Variants in ABCA13 observed in about 807,000 individuals in gnomAD.
The protein encoded by ABCA13 is ATP binding cassette subfamily A member 13.
Under a neutral mutation model 478.7 loss-of-function variants are expected in ABCA13, and 476 were observed. The ratio of observed to expected loss-of-function variants is 0.99; its 90% CI spans 0.92 to 1.07. ABCA13 has a LOEUF of 1.07. ABCA13 is among the 50% of genes least tolerant of loss of function. ABCA13 has a pLI of 0.00. For missense variants in ABCA13, 6,060 were observed against 5,910.6 expected (o/e 1.03, Z -0.83); for synonymous variants, 2,252 against 2,158.9 (o/e 1.04, Z -1.20).
chr7:48,201,677 A>G (rs923165647), intron 3 of ABCA13, among the ~76,000 whole-genome samples: 2 of 152,204 alleles, frequency 1.3e-5, no homozygotes, highest in African/African-American at 2.4e-5. Flanking sequence ...CAGAGATCGC[A>G]CCACTAAACT....
intron 1 of ABCA13, among the ~76,000 whole-genome samples, chr7:48,186,041 A>G (rs1405197892): frequency 6.6e-6 from 1 of 151,960 alleles, no homozygotes; most frequent in Non-Finnish European, 1.5e-5. Flanking sequence ...TTTGTTTAAT[A>G]TTTACCTACC....
At chr7:48,294,220 G>A (rs927974517) in intron 20 of ABCA13, among the ~76,000 whole-genome samples, 1 of 151,938 alleles carries the variant, frequency 6.6e-6, no homozygotes, top group Non-Finnish European at 1.5e-5. Flanking sequence ...TGTGTCGTGC[G>A]TGTGTGTTAA....
intron 16 of ABCA13, among the ~76,000 whole-genome samples, chr7:48,270,254 A>G (rs944377860): frequency 6.6e-6 from 1 of 152,210 alleles, no homozygotes; most frequent in Non-Finnish European, 1.5e-5. Flanking sequence ...AATTAAAAAA[A>G]TAAAAAGTTT....
chr7:48,357,340 C>T (rs1027895311), intron 31 of ABCA13, among the ~76,000 whole-genome samples: 1 of 151,892 alleles, frequency 6.6e-6, no homozygotes, highest in Non-Finnish European at 1.5e-5. Flanking sequence ...TCTTGATGAC[C>T]CTCAGCGCTC....
At chr7:48,177,138 A>G (rs1358984030) in intron 1 of ABCA13, among the ~76,000 whole-genome samples, 1 of 152,236 alleles carries the variant, frequency 6.6e-6, no homozygotes, top group Non-Finnish European at 1.5e-5. Context: ...CCTCAGAAGT[A>G]AAGTATGTCT....
At chr7:48,314,540 C>T in intron 26 of ABCA13, 131 bp downstream of exon 26, 1 of 841,584 alleles carries the variant, frequency 1.2e-6, no homozygotes, top group Non-Finnish European at 1.7e-6. Flanking sequence ...CTGCTTCCAC[C>T]TCCCCAAATG....
intron 42 of ABCA13, among the ~76,000 whole-genome samples, chr7:48,428,685 A>G (rs1450904571): frequency 6.6e-6 from 1 of 152,222 alleles, no homozygotes; most frequent in Non-Finnish European, 1.5e-5. Context: ...TGAAAAACAT[A>G]TAATTTAGCT....
intron 53 of ABCA13, among the ~76,000 whole-genome samples, 154 bp from the exon 54 acceptor site, chr7:48,524,094 A>G (rs1363910087): frequency 6.6e-6 from 1 of 152,168 alleles, no homozygotes; most frequent in Non-Finnish European, 1.5e-5. Context: ...GATAATCAGG[A>G]TGGCAGAACT....
At chr7:48,304,493 T>C (rs1180756878) in intron 23 of ABCA13, among the ~76,000 whole-genome samples, 1 of 152,240 alleles carries the variant, frequency 6.6e-6, no homozygotes, top group Non-Finnish European at 1.5e-5. Flanking sequence ...TTTTATTTTT[T>C]GACTTTTTAA....
Position 48,279,097 on chromosome 7 carries a change from T to A in ABCA13, c.7903T>A (p.Leu2635Met). The change falls in exon 18 of 62, where the codon TTG becomes ATG. Residue 2635 changes from leucine (L) to methionine (M), a missense_variant. By Grantham distance (15) the Leu-to-Met change is conservative. Transcript: ENST00000435803. ...MNQSKDFSDI[L>M]EEIAEFLTSV... ...CCAATCTAAGGACTTTTCTGATATT[T>A]TGGAAGAAATTGCTGAATTTTTAAC... is the stretch of plus-strand genomic sequence containing the variant. The A allele has an allele frequency of 1.2e-6, 2 of 1,611,908 alleles. No homozygotes were observed. Among genetic ancestry groups the A allele is most frequent in the South Asian group, 2.2e-5 (2 of 90,998 alleles).
intron 43 of ABCA13, among the ~76,000 whole-genome samples, chr7:48,463,682 A>G (rs548398743): frequency 1.3e-5 from 2 of 152,230 alleles, no homozygotes; most frequent in African/African-American, 4.8e-5. Flanking sequence ...TATCAACACC[A>G]AAAGCTGGTT....
intron 55 of ABCA13, among the ~76,000 whole-genome samples, chr7:48,535,416 G>A (rs111893679): frequency 6.6e-6 from 1 of 152,174 alleles, no homozygotes; most frequent in Non-Finnish European, 1.5e-5. Context: ...GAGGTAGCAG[G>A]GGAATGAAGT....
chr7:48,275,712 GA>G lies in ABCA13; in HGVS notation c.6052del (p.Ser2018ValfsTer10), dbSNP rs2128760850. The G allele has an allele frequency of 1.2e-6, 2 of 1,601,340 alleles. No individual in the cohort carries two copies. The highest frequency in any genetic ancestry group is 1.3e-5 in the African/African-American group (1 of 74,844). ...ATTGATTTCTGAAGACTGGAGCCTAGAAAAAAGTACGCATAATCTACTCTCT... is the reference window on the plus strand; with the variant it reads ...ATTGATTTCTGAAGACTGGAGCCTAGAAAAAGTACGCATAATCTACTCTCT... ...VQLISEDWSLEKSTHNLLSLF... is the reference protein window; with the variant it reads ...VQLISEDWSLXKSTHNLLSLF... On this transcript the variant is annotated frameshift_variant, in exon 17 of 62. Transcript: ENST00000435803. LOFTEE classifies it high-confidence loss of function.
chr7:48,383,367 G>A (rs1814690725), intron 35 of ABCA13, among the ~76,000 whole-genome samples: 1 of 152,214 alleles, frequency 6.6e-6, no homozygotes, highest in African/African-American at 2.4e-5. Context: ...GCATATGTAT[G>A]TGGGTATACG....
At chr7:48,630,639 T>C (rs1794087679) in intron 59 of ABCA13, among the ~76,000 whole-genome samples, 1 of 152,192 alleles carries the variant, frequency 6.6e-6, no homozygotes, top group Non-Finnish European at 1.5e-5. Flanking sequence ...GTCTTTATGG[T>C]GAAATGATTT....
intron 35 of ABCA13, among the ~76,000 whole-genome samples, chr7:48,382,712 A>G (rs1053069622): frequency 6.6e-6 from 1 of 150,764 alleles, no homozygotes; most frequent in African/African-American, 2.4e-5. Context: ...TTTGTTTTGC[A>G]TAGGTGGAAA....
intron 58 of ABCA13, among the ~76,000 whole-genome samples, chr7:48,615,034 A>G (rs1445752358): frequency 6.6e-6 from 1 of 150,830 alleles, no homozygotes; most frequent in Non-Finnish European, 1.5e-5. Flanking sequence ...TTAAAGTATA[A>G]TAATAATAAA....
intron 42 of ABCA13, among the ~76,000 whole-genome samples, chr7:48,452,727 A>G (rs1196561004): frequency 1.3e-5 from 2 of 152,216 alleles, no homozygotes; most frequent in Non-Finnish European, 2.9e-5. Flanking sequence ...AACTGTGGCT[A>G]TTCAGTTCCT....
intron 23 of ABCA13, among the ~76,000 whole-genome samples, chr7:48,308,620 A>C (rs1361752948): frequency 2.0e-5 from 3 of 151,970 alleles, no homozygotes; most frequent in African/African-American, 7.3e-5. Flanking sequence ...CATTATAATC[A>C]TATTTTTCAT....
Sources: allele counts gnomAD v4.1 joint callset (sites outside exome capture counted in the v4.1 genomes callset), GRCh38; gene constraint gnomAD v4.1.1; transcripts MANE v1.5; gene names NCBI Gene and HGNC (gene_info 2026-07-23, HGNC 2026-07-21).